SHISA9: variants seen among roughly 807,000 people sequenced by gnomAD.
The protein encoded by SHISA9 is protein shisa-9.
SHISA9 carries 13 observed loss-of-function variants against 38.0 expected under a neutral mutation model. The observed-to-expected ratio is 0.34, with a 90% confidence interval of 0.22 to 0.54. SHISA9 has a LOEUF of 0.54. SHISA9 is among the 20% of genes least tolerant of loss of function. The pLI is 0.91. For synonymous variants in SHISA9, 275 were observed against 242.0 expected (o/e 1.14, Z -1.27); for missense variants, 538 against 575.8 (o/e 0.93, Z 0.67).
the SHISA9 span, among the ~76,000 whole-genome samples, chr16:13,511,748 G>T: frequency 1.3e-5 from 2 of 152,146 alleles, no homozygotes; most frequent in South Asian, 2.1e-4. Flanking sequence ...CAAGATAACT[G>T]CAGTTCACAG....
chr16:13,234,179 A>T (rs2051358802), intron 4 of SHISA9, among the ~76,000 whole-genome samples: 1 of 152,224 alleles, frequency 6.6e-6, no homozygotes, highest in South Asian at 2.1e-4. Flanking sequence ...ATTAATTTTG[A>T]TAGTTCCACT....
the SHISA9 span, among the ~76,000 whole-genome samples, chr16:13,275,975 C>T: frequency 7.9e-5 from 12 of 151,842 alleles, no homozygotes; most frequent in East Asian, 2.1e-3. Flanking sequence ...TATTTGGTTA[C>T]GTGAGTAAGT....
At chr16:13,523,140 G>A in the SHISA9 span, among the ~76,000 whole-genome samples, 1 of 152,142 alleles carries the variant, frequency 6.6e-6, no homozygotes, top group African/African-American at 2.4e-5. Context: ...CTGACATCAG[G>A]AGTTTGAGAC....
chr16:13,093,015 C>A (rs1296248581), intron 2 of SHISA9, among the ~76,000 whole-genome samples: 6 of 152,146 alleles, frequency 3.9e-5, no homozygotes, highest in Non-Finnish European at 5.9e-5. Flanking sequence ...GTGATATGAA[C>A]CTAACACTTT....
At chr16:13,079,597 C>T (rs1451321417) in intron 2 of SHISA9, among the ~76,000 whole-genome samples, 1 of 152,200 alleles carries the variant, frequency 6.6e-6, no homozygotes, top group Admixed American at 6.5e-5. Flanking sequence ...CATAAACACC[C>T]TATAAACAAC....
chr16:13,492,030 C>G, the SHISA9 span, among the ~76,000 whole-genome samples: 1 of 151,226 alleles, frequency 6.6e-6, no homozygotes, highest in African/African-American at 2.4e-5. Context: ...AAGTATCTGC[C>G]TGTTTTAGAT....
the SHISA9 span, among the ~76,000 whole-genome samples, chr16:13,438,086 G>A: frequency 1.3e-5 from 2 of 151,946 alleles, no homozygotes; most frequent in Admixed American, 6.6e-5. Context: ...GGCTGGTCTC[G>A]AACTCCTGAC....
intron 2 of SHISA9, among the ~76,000 whole-genome samples, chr16:13,078,999 T>C (rs572819050): frequency 1.3e-5 from 2 of 152,374 alleles, no homozygotes; most frequent in South Asian, 2.1e-4. Context: ...CCAGACAGCC[T>C]GGGTTTGAAT....
chr16:13,455,825 A>T, the SHISA9 span, among the ~76,000 whole-genome samples: 1 of 152,170 alleles, frequency 6.6e-6, no homozygotes, highest in African/African-American at 2.4e-5. Flanking sequence ...CTGTTTGAAG[A>T]AATGAAGGGA....
At chr16:13,106,966 TTC>T (rs56109043) in intron 2 of SHISA9, among the ~76,000 whole-genome samples, 13,499 of 145,132 alleles carry the variant, frequency 0.093, 898 homozygotes, top group African/African-American at 0.19. Context: ...CTTTCTCACG[TTC>T]TCTCTCTCTC....
chr16:12,986,887 C>A (rs963872839), intron 2 of SHISA9, among the ~76,000 whole-genome samples: 2 of 152,214 alleles, frequency 1.3e-5, no homozygotes, highest in Non-Finnish European at 2.9e-5. Context: ...TTAAAACCAG[C>A]CAGTCTGGCT....
intron 2 of SHISA9, among the ~76,000 whole-genome samples, chr16:12,947,575 G>T (rs969396745): frequency 1.3e-5 from 2 of 152,192 alleles, no homozygotes; most frequent in Non-Finnish European, 2.9e-5. Flanking sequence ...AATTCATTCA[G>T]CTTGGGGAGA....
chr16:13,154,673 T>G (rs2050527985), intron 2 of SHISA9, among the ~76,000 whole-genome samples: 1 of 152,244 alleles, frequency 6.6e-6, no homozygotes. Context: ...ATACAGCTGC[T>G]AAGGAAAAGG....
At chr16:13,149,476 AGTGG>A (rs2050477925) in intron 2 of SHISA9, among the ~76,000 whole-genome samples, 1 of 152,184 alleles carries the variant, frequency 6.6e-6, no homozygotes, top group South Asian at 2.1e-4. Context: ...AGTATAGCGT[AGTGG>A]TTAATCACAG....
chr16:13,458,297 G>T, the SHISA9 span: 1 of 259,476 alleles, frequency 3.9e-6, no homozygotes, highest in South Asian at 4.1e-5. Context: ...AGGGGATCAT[G>T]GGAGATCATA....
At chr16:13,290,195 G>T in the SHISA9 span, among the ~76,000 whole-genome samples, 1 of 152,122 alleles carries the variant, frequency 6.6e-6, no homozygotes, top group African/African-American at 2.4e-5. Flanking sequence ...TATTGTACAT[G>T]TAGCAATAAT....
At chr16:12,919,540 T>G (rs931463977) in intron 2 of SHISA9, among the ~76,000 whole-genome samples, 3 of 152,218 alleles carry the variant, frequency 2.0e-5, no homozygotes, top group African/African-American at 7.2e-5. Context: ...ATATTAACCT[T>G]AGGTCTCTTT....
At chr16:13,131,374 A>C (rs1340904648) in intron 2 of SHISA9, among the ~76,000 whole-genome samples, 5 of 152,190 alleles carry the variant, frequency 3.3e-5, no homozygotes, top group African/African-American at 1.2e-4. Context: ...CAGAAAACCA[A>C]ACACTGCATA....
rs763466550 is a variant in SHISA9 at position 13,117,844 on chromosome 16, G to C, written c.692-85550G>C. On this transcript the variant is annotated intron_variant, in intron 2 of 4. Coordinates refer to ENST00000558583, the MANE Select transcript of SHISA9 (RefSeq NM_001145204.3). The stretch of plus-strand genomic sequence containing the variant: ...TCAGTTTCTGTATTCTGGCTCTGCG[G>C]GAGCCTTTTGCATATTATAGGTGCT... 6.1e-3 allele frequency among the ~76,000 whole-genome samples: 931 copies of C among 152,216 alleles called. 7 individuals are homozygous for C. The highest frequency in any genetic ancestry group is 6.3e-3 in the Non-Finnish European group (429 of 68,014).
Sources: allele counts gnomAD v4.1 joint callset (sites outside exome capture counted in the v4.1 genomes callset), GRCh38; gene constraint gnomAD v4.1.1; transcripts MANE v1.5; gene names NCBI Gene and HGNC (gene_info 2026-07-23, HGNC 2026-07-21).